The following CBR4 variants were observed in gnomAD, a reference collection of about 807,000 sequenced individuals.
The protein encoded by CBR4 is carbonyl reductase 4.
Under a neutral mutation model 21.0 loss-of-function variants are expected in CBR4, and 22 were observed. The ratio of observed to expected loss-of-function variants is 1.05; its 90% CI spans 0.75 to 1.50. The LOEUF is 1.50. Ranked by LOEUF, CBR4 falls within the 40% of genes most tolerant of loss-of-function variation. CBR4 has a pLI of 0.00. For missense variants in CBR4, 302 were observed against 286.3 expected, an observed-to-expected ratio of 1.05 and a Z score of -0.40; for synonymous variants, 100 against 104.4, an observed-to-expected ratio of 0.96 and a Z score of 0.26.
chr4:168,986,047 C>T (rs150497087), downstream of CBR4, among the ~76,000 whole-genome samples: 90 of 151,430 alleles, frequency 5.9e-4, no homozygotes, highest in African/African-American at 2.1e-3. Context: ...ATATGTACCC[C>T]CTAAATCTAA....
intron 2 of CBR4, among the ~76,000 whole-genome samples, chr4:168,924,767 C>T (rs1431071239): frequency 2.0e-5 from 3 of 152,194 alleles, no homozygotes; most frequent in Admixed American, 6.5e-5. Flanking sequence ...CAACTCTTGA[C>T]GTCTGTTCTT....
chr4:168,914,806 A>AG (rs1411042151), intron 2 of CBR4, among the ~76,000 whole-genome samples: 1 of 152,248 alleles, frequency 6.6e-6, no homozygotes, highest in Non-Finnish European at 1.5e-5. Flanking sequence ...CACAGAGAGT[A>AG]GGCAGGAAAA....
At chr4:168,964,246 T>C (rs1763951923) in intron 2 of CBR4, among the ~76,000 whole-genome samples, 1 of 152,220 alleles carries the variant, frequency 6.6e-6, no homozygotes, top group Non-Finnish European at 1.5e-5. Context: ...TAGGCTGTTG[T>C]AGAAAACCAA....
intron 2 of CBR4, among the ~76,000 whole-genome samples, chr4:168,981,629 T>C (rs776994054): frequency 3.8e-4 from 58 of 152,230 alleles, no homozygotes; most frequent in Non-Finnish European, 6.6e-4. Flanking sequence ...TATGTAAAGA[T>C]GCCAAATCTA....
At chr4:168,956,159 T>A (rs942413776) in intron 2 of CBR4, among the ~76,000 whole-genome samples, 1 of 152,078 alleles carries the variant, frequency 6.6e-6, no homozygotes, top group African/African-American at 2.4e-5. Flanking sequence ...TCAAAATGAA[T>A]AAATTTGAAA....
intron 2 of CBR4, among the ~76,000 whole-genome samples, chr4:168,942,211 C>A (rs1282294387): frequency 2.0e-5 from 3 of 149,900 alleles, no homozygotes; most frequent in African/African-American, 7.4e-5. Flanking sequence ...GGGAGGGGAA[C>A]ATCACAAACC....
intron 2 of CBR4, among the ~76,000 whole-genome samples, chr4:168,974,243 A>T (rs1764302189): frequency 6.6e-6 from 1 of 152,158 alleles, no homozygotes; most frequent in Non-Finnish European, 1.5e-5. Flanking sequence ...GACCCCAATC[A>T]CTTCTGCCTT....
At chr4:168,927,321 T>C (rs546038973) in intron 2 of CBR4, 57 of 232,164 alleles carry the variant, frequency 2.5e-4, no homozygotes, top group African/African-American at 1.2e-3. Context: ...TTGGTTTTCT[T>C]CAAACATAGG....
intron 2 of CBR4, among the ~76,000 whole-genome samples, chr4:168,905,461 CTAAATAAA>C (rs200057120): frequency 6.6e-6 from 1 of 151,588 alleles, no homozygotes; most frequent in African/African-American, 2.4e-5. Flanking sequence ...GACTCTGTTT[CTAAATAAA>C]TAAATAAATA....
chr4:168,962,772 A>G (rs763986491), intron 2 of CBR4, among the ~76,000 whole-genome samples: 6 of 152,244 alleles, frequency 3.9e-5, no homozygotes, highest in Admixed American at 1.3e-4. Context: ...AGCCCAGGAC[A>G]GAACTTTGAG....
At chr4:168,939,787 G>A (rs1328162936) in intron 2 of CBR4, among the ~76,000 whole-genome samples, 1 of 152,180 alleles carries the variant, frequency 6.6e-6, no homozygotes, top group Non-Finnish European at 1.5e-5. Context: ...CGAAATAAGA[G>A]AGGACACAAA....
At chr4:168,903,227 A>G (rs374586325) in intron 2 of CBR4, among the ~76,000 whole-genome samples, 31 of 152,014 alleles carry the variant, frequency 2.0e-4, no homozygotes, top group African/African-American at 6.8e-4. Context: ...CCCATCACCA[A>G]CCCTTAGTCA....
chr4:168,939,088 G>A (rs1006362624), intron 2 of CBR4, among the ~76,000 whole-genome samples: 1 of 152,162 alleles, frequency 6.6e-6, no homozygotes, highest in African/African-American at 2.4e-5. Flanking sequence ...ACATCAAAAA[G>A]CTTATCTACC....
rs863224702 is a variant in CBR4 at position 168,903,797 on chromosome 4, G to A, written n.170-9032C>T. 2 of 1,612,632 alleles carry A rather than the reference G, an allele frequency of 1.2e-6. No homozygotes were observed. Among genetic ancestry groups the A allele is most frequent in the Non-Finnish European group, 1.7e-6 (2 of 1,178,698 alleles). On this transcript the variant is annotated intron_variant and non_coding_transcript_variant, in intron 2 of 3. Transcript: ENST00000509108. ...GATGGGAAGCAGATCTCTCCAAAGAGTGATCACTACACCATTCAAAGAGAT... is the reference window on the plus strand; with the variant it reads ...GATGGGAAGCAGATCTCTCCAAAGAATGATCACTACACCATTCAAAGAGAT...
chr4:168,918,088 A>G (rs1560921438), intron 2 of CBR4, among the ~76,000 whole-genome samples: 1 of 151,750 alleles, frequency 6.6e-6, no homozygotes, highest in Non-Finnish European at 1.5e-5. Flanking sequence ...AGTCCCAGCT[A>G]CTCAGGGGGC....
At chr4:168,993,859 T>C (rs185967097) in intron 4 of CBR4, among the ~76,000 whole-genome samples, 270 of 152,284 alleles carry the variant, frequency 1.8e-3, no homozygotes, top group African/African-American at 6.1e-3. Context: ...GGCCTGGCCT[T>C]TTCTCAAAGG....
chr4:168,977,599 T>C (rs2126774131), intron 2 of CBR4, among the ~76,000 whole-genome samples: 1 of 152,300 alleles, frequency 6.6e-6, no homozygotes, highest in South Asian at 2.1e-4. Flanking sequence ...AGTAACTGTT[T>C]CTACACAGAT....
chr4:168,916,906 T>C (rs1419310658), intron 2 of CBR4, among the ~76,000 whole-genome samples: 1 of 151,938 alleles, frequency 6.6e-6, no homozygotes, highest in Non-Finnish European at 1.5e-5. Context: ...CCTGACTTCA[T>C]GATCCGCCCA....
chr4:168,970,579 T>C (rs969636091), intron 2 of CBR4, among the ~76,000 whole-genome samples: 5 of 152,182 alleles, frequency 3.3e-5, no homozygotes, highest in Non-Finnish European at 5.9e-5. Flanking sequence ...TTTTGATGTA[T>C]CCATCACCTG....
Sources: gnomAD v4.1 joint callset for allele counts (sites outside exome capture counted in the v4.1 genomes callset) on GRCh38, gnomAD v4.1.1 for gene constraint, MANE v1.5 for transcripts, NCBI Gene and HGNC (gene_info 2026-07-23, HGNC 2026-07-21) for gene names.